Variants in SEC61B observed in about 807,000 individuals in gnomAD.
The protein encoded by SEC61B is protein transport protein Sec61 subunit beta.
SEC61B carries 7 observed loss-of-function variants against 12.6 expected under a neutral mutation model. The observed-to-expected ratio is 0.55, with a 90% CI of 0.32 to 1.04. The LOEUF (loss-of-function observed/expected upper bound fraction) is 1.04, where lower values mean the gene tolerates loss of function less well. SEC61B is among the 50% of genes least tolerant of loss of function. SEC61B has a pLI of 0.05. For synonymous variants in SEC61B, 54 were observed against 50.1 expected, an observed-to-expected ratio of 1.08 and a Z score of -0.33; for missense variants, 107 against 130.1, an observed-to-expected ratio of 0.82 and a Z score of 0.86.
intron 2 of SEC61B, 142 bp from the exon 3 acceptor site, chr9:99,227,757 A>C (rs972262482): frequency 1.6e-6 from 1 of 628,812 alleles, no homozygotes; most frequent in East Asian, 2.7e-5. Context: ...TCAAAGGAGT[A>C]AAAGCAGGAA....
At position 99,227,881 on chromosome 9, in the gene SEC61B, C is replaced by A; in HGVS notation, c.102-18C>A. ...AATTTCCAGAAAAGGCCATTTGTAA[C>A]ATTTTCCTCTCTTTCAGGAAAAATG... On this transcript the variant is annotated intron_variant, in intron 2 of 3. Coordinates refer to ENST00000223641, the MANE Select transcript of SEC61B (RefSeq NM_006808.3). 1 of 1,593,366 alleles carries A rather than the reference C, an allele frequency of 6.3e-7. No homozygotes were observed. The highest frequency in any genetic ancestry group is 8.6e-7 in the Non-Finnish European group (1 of 1,161,758).
chr9:99,225,295 G>T (rs926826917), intron 2 of SEC61B, among the ~76,000 whole-genome samples: 8 of 152,194 alleles, frequency 5.3e-5, no homozygotes, highest in African/African-American at 4.8e-5. Context: ...AAATAAAGCT[G>T]GGTGGGGGAT....
Position 99,222,633 on chromosome 9 carries a change from G to A in SEC61B, c.91G>A (p.Val31Ile). ...GGCCGCCCGGGCGGCGGGATCCACT[G>A]TCCGGCAGAGGTAAGGAACCCTGCA... ...AVAARAAGST[V>I]RQRKNASCGT... The change falls in exon 2 of 4, where the codon GTC becomes ATC. Residue 31 changes from valine to isoleucine, a missense_variant. By Grantham distance (29) the Val-to-Ile change is conservative. Coordinates refer to ENST00000223641, the MANE Select transcript of SEC61B (RefSeq NM_006808.3). 1 of 1,545,324 alleles carries A rather than the reference G, an allele frequency of 6.5e-7. No individual in the cohort carries two copies. Among genetic ancestry groups the A allele is most frequent in the South Asian group, 1.2e-5 (1 of 83,664 alleles).
rs771586374 is a variant in SEC61B, at chr9:99,222,343, C to T, written c.-21C>T. ...ACTTTCTATCCGTCCGCGTCAGCGC[C>T]TTGCCACCCTCATCTCCAATATGGT... On this transcript the variant is annotated 5_prime_UTR_variant, in exon 1 of 4. Coordinates refer to ENST00000223641, the MANE Select transcript of SEC61B (RefSeq NM_006808.3). The T allele has an allele frequency of 6.8e-6, 11 of 1,614,086 alleles. No individual in the cohort carries two copies. The highest frequency in any genetic ancestry group is 5.3e-5 in the African/African-American group (4 of 74,938).
intron 3 of SEC61B, among the ~76,000 whole-genome samples, chr9:99,229,239 T>C (rs929897544): frequency 2.6e-5 from 4 of 152,194 alleles, no homozygotes; most frequent in African/African-American, 7.2e-5. Context: ...GAAGTAATTC[T>C]TGGGGTTGGG....
chr9:99,222,816 TC>T (rs1173671060), intron 2 of SEC61B, 173 bp downstream of exon 2: 2 of 559,364 alleles, frequency 3.6e-6, no homozygotes, highest in African/African-American at 3.8e-5. Flanking sequence ...ACATTTTTTT[TC>T]TCGTTGCTCA....
At position 99,222,530 on chromosome 9, in the gene SEC61B, T is replaced by C; in HGVS notation, c.4-16T>C. 1 of 1,600,668 alleles carries C rather than the reference T, an allele frequency of 6.2e-7. No homozygotes were observed. Among genetic ancestry groups the C allele is most frequent in the Non-Finnish European group, 8.5e-7 (1 of 1,172,736 alleles). ...CTGCCGCGCTCACCCGTCTGTCTGC[T>C]TGTCTCCCTCTACAGCCTGGTCCGA... is the stretch of plus-strand genomic sequence containing the variant. On this transcript the variant is annotated splice_polypyrimidine_tract_variant and intron_variant, in intron 1 of 3. Coordinates refer to ENST00000223641, the MANE Select transcript of SEC61B (RefSeq NM_006808.3).
chr9:99,229,404 A>G (rs1828934657), intron 3 of SEC61B, among the ~76,000 whole-genome samples: 1 of 152,114 alleles, frequency 6.6e-6, no homozygotes, highest in African/African-American at 2.4e-5. Context: ...AGCTCATTGT[A>G]GTCTTGAATT....
intron 3 of SEC61B, 125 bp downstream of exon 3, chr9:99,228,125 G>T: frequency 1.5e-6 from 1 of 682,468 alleles, no homozygotes; most frequent in Non-Finnish European, 2.5e-6. Flanking sequence ...AGCCTCATTT[G>T]TGCCAGGCGG....
At chr9:99,226,785 A>G (rs1233609666) in intron 2 of SEC61B, among the ~76,000 whole-genome samples, 2 of 152,158 alleles carry the variant, frequency 1.3e-5, no homozygotes, top group Admixed American at 1.3e-4. Flanking sequence ...CCTTGGGCCT[A>G]TTCCTTGGCA....
chr9:99,228,629 C>G (rs1342558581), intron 3 of SEC61B, among the ~76,000 whole-genome samples: 1 of 152,236 alleles, frequency 6.6e-6, no homozygotes, highest in Non-Finnish European at 1.5e-5. Flanking sequence ...GATCTTATCC[C>G]ACAGATTTCT....
chr9:99,225,063 G>T (rs1193435351), intron 2 of SEC61B, among the ~76,000 whole-genome samples: 1 of 152,204 alleles, frequency 6.6e-6, no homozygotes. Flanking sequence ...GTTCTAGCAG[G>T]ATTAATGGGA....
At chr9:99,222,450 C>T in intron 1 of SEC61B, 84 bp downstream of exon 1, 1 of 1,608,024 alleles carries the variant, frequency 6.2e-7, no homozygotes, top group Non-Finnish European at 8.5e-7. Flanking sequence ...TCTGTAGCTC[C>T]CTTGCTTCCC....
At chr9:99,230,061 A>G (rs993112834) in intron 3 of SEC61B, among the ~76,000 whole-genome samples, 1 of 152,230 alleles carries the variant, frequency 6.6e-6, no homozygotes, top group Non-Finnish European at 1.5e-5. Flanking sequence ...TGTCTCCAAG[A>G]CATCAGATCA....
At position 99,222,534 on chromosome 9, in the gene SEC61B, C is replaced by T; in HGVS notation, c.4-12C>T. ...CGCGCTCACCCGTCTGTCTGCTTGT[C>T]TCCCTCTACAGCCTGGTCCGACCCC... On this transcript the variant is annotated splice_polypyrimidine_tract_variant and intron_variant, in intron 1 of 3. Transcript: ENST00000223641. 2 of 1,598,190 alleles carry T rather than the reference C, an allele frequency of 1.3e-6. No homozygotes were observed. The highest frequency in any genetic ancestry group is 1.7e-6 in the Non-Finnish European group (2 of 1,171,614).
In SEC61B at chr9:99,222,615, C is replaced by A; in HGVS notation, c.73C>A (p.Arg25=). The A allele has an allele frequency of 6.5e-7, 1 of 1,550,026 alleles. No homozygotes were observed. The highest frequency in any genetic ancestry group is 2.4e-5 in the East Asian group (1 of 40,916). ...GRSPSKAVAA[R]AAGSTVRQRK... ...CTCTCCCAGCAAAGCAGTGGCCGCC[C>A]GGGCGGCGGGATCCACTGTCCGGCA... The change falls in exon 2 of 4, where the codon CGG becomes AGG. Residue 25 remains arginine (R), a synonymous_variant. Coordinates refer to ENST00000223641, the MANE Select transcript of SEC61B (RefSeq NM_006808.3).
rs1158361915 is a variant in SEC61B, at chr9:99,222,540, C to T, written c.4-6C>T. The T allele has an allele frequency of 6.3e-7, 1 of 1,594,922 alleles. No individual in the cohort carries two copies. The highest frequency in any genetic ancestry group is 2.3e-5 in the East Asian group (1 of 43,818). ...CACCCGTCTGTCTGCTTGTCTCCCTCTACAGCCTGGTCCGACCCCCAGTGG... is the reference window on the plus strand; with the variant it reads ...CACCCGTCTGTCTGCTTGTCTCCCTTTACAGCCTGGTCCGACCCCCAGTGG... On this transcript the variant is annotated splice_region_variant and splice_polypyrimidine_tract_variant and intron_variant, in intron 1 of 3. Coordinates refer to ENST00000223641, the MANE Select transcript of SEC61B (RefSeq NM_006808.3).
rs766945802 is a variant in SEC61B at position 99,227,931 on chromosome 9, G to T, written c.134G>T (p.Gly45Val). 1 of 1,614,106 alleles carries T rather than the reference G, an allele frequency of 6.2e-7. No individual in the cohort carries two copies. The highest frequency in any genetic ancestry group is 8.5e-7 in the Non-Finnish European group (1 of 1,180,018). The change falls in exon 3 of 4, where the codon GGC becomes GTC. Residue 45 changes from glycine to valine, a missense_variant. By Grantham distance (109) the Gly-to-Val change is moderately radical. Transcript: ENST00000223641. ...GCCAGCTGTGGGACAAGGAGTGCAG[G>T]CCGCACAACCTCGGCAGGCACCGGG... is the stretch of plus-strand genomic sequence containing the variant. ...KNASCGTRSA[G>V]RTTSAGTGGM...
intron 3 of SEC61B, 109 bp downstream of exon 3, chr9:99,228,109 C>T (rs1373760408): frequency 8.8e-6 from 7 of 799,520 alleles, no homozygotes; most frequent in Middle Eastern, 4.6e-4. Flanking sequence ...ATTTACTGTA[C>T]ACAACAGCCT....
Sources: allele counts gnomAD v4.1 joint callset (sites outside exome capture counted in the v4.1 genomes callset), GRCh38; gene constraint gnomAD v4.1.1; transcripts MANE v1.5; gene names NCBI Gene and HGNC (gene_info 2026-07-23, HGNC 2026-07-21).